UMODL1: variants seen among roughly 807,000 people sequenced by gnomAD.
UMODL1 encodes the protein uromodulin like 1.
UMODL1 carries 128 observed loss-of-function variants against 136.3 expected under a neutral mutation model. That is an observed-to-expected ratio of 0.94 (90% CI 0.81 to 1.09). The LOEUF (loss-of-function observed/expected upper bound fraction) is 1.09. UMODL1 is among the 50% of genes least tolerant of loss of function. The pLI, the probability that UMODL1 is intolerant of heterozygous loss-of-function variation, is 0.00. For synonymous variants in UMODL1, 721 were observed against 720.0 expected, an observed-to-expected ratio of 1.00 and a Z score of -0.02; for missense variants, 1,766 against 1,725.6, an observed-to-expected ratio of 1.02 and a Z score of -0.41.
Position 42,076,016 on chromosome 21 carries a change from T to C in UMODL1, c.88T>C (p.Ser30Pro). The C allele has an allele frequency of 6.2e-7, 1 of 1,613,892 alleles. No homozygotes were observed. The highest frequency in any genetic ancestry group is 8.5e-7 in the Non-Finnish European group (1 of 1,179,750). ...TTGGCCTCTTTCAGAAAAAGGCCTC[T>C]CCCTGTTGGGCTACCAGCTATGCAG... ...QASGFTEKGLSLLGYQLCSHR... is the reference protein window; with the variant it reads ...QASGFTEKGLPLLGYQLCSHR... The change falls in exon 2 of 23, where the codon TCC becomes CCC. Residue 30 changes from serine (S) to proline (P), a missense_variant. Physicochemically the swap from Ser to Pro is moderately conservative, Grantham distance 74. Transcript: ENST00000408910.
intron 1 of UMODL1, among the ~76,000 whole-genome samples, chr21:42,071,819 C>A (rs575520812): frequency 1.3e-5 from 2 of 149,690 alleles, no homozygotes; most frequent in South Asian, 2.1e-4. Context: ...TTCAAGTCCT[C>A]ACTTACAGAT....
chr21:42,106,151 C>G (rs1019855340), intron 9 of UMODL1, among the ~76,000 whole-genome samples: 5 of 152,210 alleles, frequency 3.3e-5, no homozygotes, highest in Admixed American at 3.3e-4. Context: ...ACTCTTTTGA[C>G]TCCATGACTA....
In UMODL1 at chr21:42,119,224, A is replaced by T; in HGVS notation, c.2589A>T (p.Ile863=). Residue 863 remains isoleucine (I), a synonymous_variant, in exon 15 of 23, where the codon ATA becomes ATT. Transcript: ENST00000408910. ...TCGTGGTGGAGTTTCACTTGCTGAT[A>T]ATCGCAGATGTGGATGTCCAGGAGG... ...GSIVVEFHLL[I]IADVDVQEVS... 1 of 1,614,206 alleles carries T rather than the reference A, an allele frequency of 6.2e-7. No individual in the cohort carries two copies. The highest frequency in any genetic ancestry group is 1.1e-5 in the South Asian group (1 of 91,082).
chr21:42,112,771 G>T (rs565256704), intron 12 of UMODL1, among the ~76,000 whole-genome samples: 3 of 151,196 alleles, frequency 2.0e-5, no homozygotes, highest in African/African-American at 7.3e-5. Flanking sequence ...CAGCTGTTCC[G>T]TACCCCCAGT....
intron 6 of UMODL1, chr21:42,093,345 G>GCATGCACCACCACAGC (rs2066515362): frequency 6.5e-6 from 1 of 152,916 alleles, no homozygotes; most frequent in Admixed American, 6.5e-5. Context: ...GGGACCACAG[G>GCATGCACCACCACAGC]CATGCACCAC....
chr21:42,107,655 C>G (rs1324854702), intron 9 of UMODL1, among the ~76,000 whole-genome samples: 1 of 152,202 alleles, frequency 6.6e-6, no homozygotes, highest in Non-Finnish European at 1.5e-5. Flanking sequence ...GACACACGCC[C>G]CCAGGAGAGT....
At chr21:42,088,264 C>T (rs1462287735) in intron 4 of UMODL1, 30 bp from the exon 5 acceptor site, 3 of 1,598,538 alleles carry the variant, frequency 1.9e-6, no homozygotes, top group African/African-American at 2.7e-5. Flanking sequence ...TGTCCTTCTG[C>T]TGTGTGACAC....
At position 42,127,225 on chromosome 21, in the gene UMODL1, C is replaced by T. The variant is rs2067070715; in HGVS notation, c.3513C>T (p.Phe1171=). 1 of 1,614,118 alleles carries T rather than the reference C, an allele frequency of 6.2e-7. No individual in the cohort carries two copies. Among genetic ancestry groups the T allele is most frequent in the Non-Finnish European group, 8.5e-7 (1 of 1,180,024 alleles). ...PSSNARDPIT[F]SFINNSCPVP... ...GCAACGCCCGGGACCCCATCACCTT[C>T]AGCTTCATTAACAACAGGTAGGGCT... The change falls in exon 19 of 23, where the codon TTC becomes TTT. Residue 1171 remains phenylalanine, a synonymous_variant. Transcript: ENST00000408910.
intron 9 of UMODL1, among the ~76,000 whole-genome samples, chr21:42,108,919 C>CGCG (rs2066768921): frequency 8.4e-6 from 1 of 119,622 alleles, no homozygotes; most frequent in Non-Finnish European, 1.7e-5. Flanking sequence ...CCCCCACCCC[C>CGCG]CCCACGAGAG....
At chr21:42,078,125 C>T (rs2066316881) in intron 2 of UMODL1, among the ~76,000 whole-genome samples, 1 of 152,194 alleles carries the variant, frequency 6.6e-6, no homozygotes, top group African/African-American at 2.4e-5. Flanking sequence ...ACCAACACCT[C>T]CATCACCAAC....
Position 42,088,446 on chromosome 21 carries a change from G to T in UMODL1, c.756G>T (p.Lys252Asn). Reference sequence around the variant, plus strand: ...CCACCCTGCTGGGTGACATTGCGAAGCGTGTCTATGAAGTGATCAGCGTCC... The same window carrying T: ...CCACCCTGCTGGGTGACATTGCGAATCGTGTCTATGAAGTGATCAGCGTCC... The part of the protein sequence containing the change: ...DVSTLLGDIA[K>N]RVYEVISVQV... Residue 252 changes from lysine (K) to asparagine (N), a missense_variant, in exon 5 of 23, where the codon AAG becomes AAT. Coordinates refer to ENST00000408910, the MANE Select transcript of UMODL1 (RefSeq NM_001004416.3). The T allele has an allele frequency of 6.2e-7, 1 of 1,613,342 alleles. No homozygotes were observed.
intron 6 of UMODL1, among the ~76,000 whole-genome samples, chr21:42,091,762 T>C (rs746051884): frequency 6.6e-6 from 1 of 152,112 alleles, no homozygotes; most frequent in African/African-American, 2.4e-5. Context: ...ATGGAGTGAG[T>C]GGCGGTGCCA....
chr21:42,115,420 G>A (rs1367108422), intron 13 of UMODL1, among the ~76,000 whole-genome samples: 2 of 152,230 alleles, frequency 1.3e-5, no homozygotes, highest in African/African-American at 4.8e-5. Flanking sequence ...GCACCCTGTG[G>A]CCACGTGGAC....
At chr21:42,130,185 G>A (rs896366422) in intron 21 of UMODL1, among the ~76,000 whole-genome samples, 2 of 152,010 alleles carry the variant, frequency 1.3e-5, no homozygotes, top group Admixed American at 6.5e-5. Context: ...GGGCTGTTAA[G>A]AGATAAGAAC....
At chr21:42,116,990 C>T (rs551448156) in intron 14 of UMODL1, among the ~76,000 whole-genome samples, 5 of 152,176 alleles carry the variant, frequency 3.3e-5, no homozygotes, top group African/African-American at 4.8e-5. Context: ...GCAGGAGAAT[C>T]GCTTGAAACC....
chr21:42,127,645 A>G (rs1163162706), intron 19 of UMODL1, 27 bp from the exon 20 acceptor site: 3 of 1,604,240 alleles, frequency 1.9e-6, no homozygotes, highest in Non-Finnish European at 2.6e-6. Flanking sequence ...GCTGACAAGC[A>G]AGGAGTCCCA....
chr21:42,109,205 T>C (rs1322418309), intron 9 of UMODL1, among the ~76,000 whole-genome samples: 1 of 151,908 alleles, frequency 6.6e-6, no homozygotes, highest in Non-Finnish European at 1.5e-5. Flanking sequence ...TATTTCTTGG[T>C]TGAGACACTA....
rs757477018 is a variant in UMODL1 at position 42,122,947 on chromosome 21, C to A, written c.2944C>A (p.Arg982=). Residue 982 remains arginine, a synonymous_variant, in exon 17 of 23, where the codon CGG becomes AGG. Coordinates refer to ENST00000408910, the MANE Select transcript of UMODL1 (RefSeq NM_001004416.3). This position sits in a 1 kb window ranked among gnomAD's most constrained non-coding sequence, Gnocchi z 4.3. The part of the protein sequence containing the change: ...TSPTPQGLPQ[R]LNLTGAVRVL... ...CCCCACCCCCCAAGGCCTGCCCCAG[C>A]GGCTGAACCTGACCGGAGCAGTCAG... The A allele has an allele frequency of 5.6e-6, 9 of 1,613,902 alleles. No individual in the cohort carries two copies. The highest frequency in any genetic ancestry group is 2.2e-5 in the East Asian group (1 of 44,898).
intron 2 of UMODL1, among the ~76,000 whole-genome samples, chr21:42,081,641 T>C (rs2066363374): frequency 1.3e-5 from 2 of 152,116 alleles, no homozygotes; most frequent in Admixed American, 6.5e-5. Context: ...GGCTTTTAGT[T>C]TAGAATAGTT....
Sources: gnomAD v4.1 joint callset for allele counts (sites outside exome capture counted in the v4.1 genomes callset) on GRCh38, gnomAD v4.1.1 for gene constraint, Gnocchi (gnomAD v3.1) non-coding constraint, MANE v1.5 for transcripts, NCBI Gene and HGNC (gene_info 2026-07-23, HGNC 2026-07-21) for gene names.